ELOVL7: variants seen among roughly 807,000 people sequenced by gnomAD.
ELOVL7 encodes the protein very long chain fatty acid elongase 7.
In ELOVL7, 27 loss-of-function variants were observed where a neutral mutation model predicts 35.7. The ratio of observed to expected loss-of-function variants is 0.76; its 90% CI spans 0.56 to 1.04. The LOEUF (loss-of-function observed/expected upper bound fraction) is 1.04, where lower values mean the gene tolerates loss of function less well. Ranked by LOEUF, ELOVL7 falls within the 50% of genes least tolerant of loss-of-function variation. The pLI, the probability that ELOVL7 is intolerant of heterozygous loss-of-function variation, is 0.00. For synonymous variants in ELOVL7, 113 were observed against 114.6 expected (o/e 0.99, Z 0.09); for missense variants, 327 against 340.8 (o/e 0.96, Z 0.32).
At chr5:60,762,286 T>G (rs1584155134) in intron 7 of ELOVL7, among the ~76,000 whole-genome samples, 1 of 110,722 alleles carries the variant, frequency 9.0e-6, no homozygotes, top group African/African-American at 3.8e-5. Context: ...ACAACAAGAG[T>G]GAAACTCTGC....
At chr5:60,799,272 A>T (rs893440940) in intron 1 of ELOVL7, 42 bp from the exon 2 acceptor site, 8 of 152,176 alleles carry the variant, frequency 5.3e-5, no homozygotes, top group South Asian at 4.1e-4. Flanking sequence ...AATAATTAAC[A>T]TTACACTTCA....
chr5:60,781,089 A>C (rs1743223177), intron 3 of ELOVL7, among the ~76,000 whole-genome samples: 2 of 152,068 alleles, frequency 1.3e-5, no homozygotes, highest in South Asian at 2.1e-4. Context: ...GCACGCCTGT[A>C]ATCACAGCTA....
rs1205538594 is a variant in ELOVL7 at position 60,754,138 on chromosome 5, T to G, written c.*486A>C. 1 of 154,424 alleles carries G rather than the reference T, an allele frequency of 6.5e-6. No homozygotes were observed. The allele number at this position is 154,424 out of a possible 1,614,324, so 9.6% of individuals were successfully genotyped here. A position where few individuals can be genotyped will look rare whatever the true frequency, so the allele number is the denominator to read the frequency against. On this transcript the variant is annotated 3_prime_UTR_variant, in exon 9 of 9. Coordinates refer to ENST00000508821, the MANE Select transcript of ELOVL7 (RefSeq NM_024930.3). The stretch of plus-strand genomic sequence containing the variant: ...CTAGCTTGCTAAAATGGGAGTTAAC[T>G]CTAGAGCAAATATAGTATCTTCTGA...
rs1416813336 is a variant in ELOVL7 at position 60,772,352 on chromosome 5, C to T, written c.65-259G>A. Among the ~76,000 whole-genome samples, 16 of 152,118 alleles carry T rather than the reference C, an allele frequency of 1.1e-4. 1 individual carries two copies. The East Asian group carries it at 2.7e-3, about 26-fold the overall frequency. On this transcript the variant is annotated intron_variant, in intron 3 of 8. Coordinates refer to ENST00000508821, the MANE Select transcript of ELOVL7 (RefSeq NM_024930.3). ...TATTAGTGCCCTTATAAAAGGCACC[C>T]CAGGGAGCTCTCCTGCCCTCTTTCC... is the stretch of plus-strand genomic sequence containing the variant.
intron 1 of ELOVL7, among the ~76,000 whole-genome samples, chr5:60,820,409 T>C (rs1253034295): frequency 6.6e-6 from 1 of 152,230 alleles, no homozygotes; most frequent in African/African-American, 2.4e-5. Context: ...TGGTGGTTTG[T>C]TATGGCAGCA....
chr5:60,816,950 A>G (rs1357208371), intron 1 of ELOVL7, among the ~76,000 whole-genome samples: 1 of 152,196 alleles, frequency 6.6e-6, no homozygotes, highest in East Asian at 1.9e-4. Context: ...TCTCTGTAGT[A>G]ATGTTGCAAC....
intron 1 of ELOVL7, among the ~76,000 whole-genome samples, chr5:60,802,061 CATATATATATATAT>C (rs59849955): frequency 0.012 from 923 of 76,990 alleles, 17 homozygotes; most frequent in South Asian, 0.035. Flanking sequence ...AATAAACTCT[CATATATATATATAT>C]ATATATATAT....
chr5:60,781,229 A>T (rs1054697999), intron 3 of ELOVL7, among the ~76,000 whole-genome samples: 18 of 149,826 alleles, frequency 1.2e-4, no homozygotes, highest in Non-Finnish European at 2.1e-4. Flanking sequence ...AAAAAAAAGG[A>T]AAGAAAAACA....
chr5:60,782,317 T>C (rs973214527), intron 3 of ELOVL7, among the ~76,000 whole-genome samples: 34 of 152,184 alleles, frequency 2.2e-4, no homozygotes, highest in African/African-American at 7.7e-4. Flanking sequence ...TAAATTACTA[T>C]AGCTATAAGG....
At chr5:60,824,175 T>TA (rs1273092986) in intron 1 of ELOVL7, among the ~76,000 whole-genome samples, 1 of 152,024 alleles carries the variant, frequency 6.6e-6, no homozygotes, top group Non-Finnish European at 1.5e-5. Context: ...GTAGGATAAA[T>TA]AAAAAATTCA....
At chr5:60,776,560 T>A (rs1193780555) in intron 3 of ELOVL7, among the ~76,000 whole-genome samples, 2 of 152,114 alleles carry the variant, frequency 1.3e-5, no homozygotes, top group Admixed American at 6.6e-5. Flanking sequence ...CAAAATCATA[T>A]CCTTTGCAGC....
intron 1 of ELOVL7, among the ~76,000 whole-genome samples, chr5:60,830,639 T>C (rs1296291715): frequency 6.6e-6 from 1 of 151,198 alleles, no homozygotes; most frequent in Non-Finnish European, 1.5e-5. Context: ...GTATGACTAT[T>C]CATTTTTCAA....
chr5:60,796,534 C>T (rs1274570652), intron 2 of ELOVL7, among the ~76,000 whole-genome samples: 1 of 152,154 alleles, frequency 6.6e-6, no homozygotes, highest in African/African-American at 2.4e-5. Flanking sequence ...GCCAAACGTC[C>T]CCTGTGGGGC....
At chr5:60,792,813 C>T (rs1744017260) in intron 2 of ELOVL7, among the ~76,000 whole-genome samples, 1 of 152,202 alleles carries the variant, frequency 6.6e-6, no homozygotes, top group Non-Finnish European at 1.5e-5. Flanking sequence ...GAAGTTCAGA[C>T]CTGGTGATGG....
At chr5:60,812,633 T>C (rs1282068926) in intron 1 of ELOVL7, among the ~76,000 whole-genome samples, 2 of 152,182 alleles carry the variant, frequency 1.3e-5, no homozygotes, top group African/African-American at 4.8e-5. Context: ...GTGTGACTCT[T>C]CTCAGATAAT....
rs558532946 is a variant in ELOVL7, at chr5:60,766,855, C to T, written c.337-225G>A. Among the ~76,000 whole-genome samples the T allele has an allele frequency of 5.3e-5, 8 of 152,298 alleles. No individual in the cohort carries two copies. In the East Asian group the frequency reaches 1.5e-3, roughly 29 times the overall value. On this transcript the variant is annotated intron_variant, in intron 5 of 8. Coordinates refer to ENST00000508821, the MANE Select transcript of ELOVL7 (RefSeq NM_024930.3). ...AATTGAAGCTACACCCACTAAACTA[C>T]ATCCCATTCTCCCTCTCTAACCCCA...
intron 1 of ELOVL7, among the ~76,000 whole-genome samples, chr5:60,816,044 T>C (rs1745495362): frequency 6.6e-6 from 1 of 152,160 alleles, no homozygotes; most frequent in Non-Finnish European, 1.5e-5. Flanking sequence ...TCCTTGAGTC[T>C]CTATTACCTA....
chr5:60,778,210 A>G (rs903680721), intron 3 of ELOVL7, among the ~76,000 whole-genome samples: 1 of 152,196 alleles, frequency 6.6e-6, no homozygotes, highest in South Asian at 2.1e-4. Flanking sequence ...AAGGCTTGCT[A>G]TGGGTCTGTA....
intron 8 of ELOVL7, 30 bp downstream of exon 8, chr5:60,757,479 A>G (rs1398630437): frequency 1.2e-6 from 2 of 1,606,822 alleles, no homozygotes; most frequent in Non-Finnish European, 8.5e-7. Context: ...GCTGCTTCAT[A>G]TATGGTTTTA....
Sources: gnomAD v4.1 joint callset for allele counts (sites outside exome capture counted in the v4.1 genomes callset) on GRCh38, gnomAD v4.1.1 for gene constraint, MANE v1.5 for transcripts, NCBI Gene and HGNC (gene_info 2026-07-23, HGNC 2026-07-21) for gene names.